The following EBF1 variants were observed in gnomAD, a reference collection of about 807,000 sequenced individuals.
The protein encoded by EBF1 is EBF transcription factor 1, also known as transcription factor COE1.
In EBF1, 10 loss-of-function variants were observed where a neutral mutation model predicts 68.4. That is an observed-to-expected ratio of 0.15 (90% CI 0.09 to 0.25). The LOEUF is 0.25. Among genes scored for constraint, EBF1 ranks in the 10% least tolerant of loss-of-function variants. The pLI is 1.00. For missense variants in EBF1, 509 were observed against 794.4 expected (o/e 0.64, Z 4.32); for synonymous variants, 298 against 299.8 (o/e 0.99, Z 0.06).
chr5:159,065,043 C>T (rs1258745786), intron 6 of EBF1, among the ~76,000 whole-genome samples: 1 of 151,162 alleles, frequency 6.6e-6, no homozygotes. Context: ...GGGCTTCAGC[C>T]AATAGTGCAC....
At chr5:158,874,939 G>A (rs759193036) in intron 6 of EBF1, among the ~76,000 whole-genome samples, 5 of 151,832 alleles carry the variant, frequency 3.3e-5, no homozygotes, top group Admixed American at 2.0e-4. Context: ...AATAATTCAA[G>A]GCCTGAGATG....
chr5:158,827,093 T>C (rs755738140), intron 7 of EBF1, among the ~76,000 whole-genome samples: 4 of 152,160 alleles, frequency 2.6e-5, no homozygotes, highest in African/African-American at 4.8e-5. Context: ...GTGGCCAGCA[T>C]GGTTCCTGGT....
At chr5:158,913,342 G>A (rs895273609) in intron 6 of EBF1, among the ~76,000 whole-genome samples, 1 of 152,174 alleles carries the variant, frequency 6.6e-6, no homozygotes, top group Non-Finnish European at 1.5e-5. Flanking sequence ...AGGGCTTCAT[G>A]GTTCTAAAGC....
intron 6 of EBF1, among the ~76,000 whole-genome samples, chr5:158,871,262 T>C (rs1418772477): frequency 6.6e-6 from 1 of 152,116 alleles, no homozygotes; most frequent in East Asian, 1.9e-4. Context: ...AGAAGACAAA[T>C]TAAGACATTA....
At chr5:159,044,138 G>A (rs1771832268) in intron 6 of EBF1, among the ~76,000 whole-genome samples, 1 of 152,140 alleles carries the variant, frequency 6.6e-6, no homozygotes, top group Non-Finnish European at 1.5e-5. Flanking sequence ...GATGTTCTGT[G>A]TATATCATAT....
chr5:158,999,339 G>C (rs934341432), intron 6 of EBF1, among the ~76,000 whole-genome samples: 1 of 152,146 alleles, frequency 6.6e-6, no homozygotes, highest in Non-Finnish European at 1.5e-5. Flanking sequence ...ACCAAGACAG[G>C]TTTCTTCTTT....
chr5:158,712,202 C>T lies in EBF1; in HGVS notation c.1501G>A (p.Gly501Ser), dbSNP rs181351521. 1.4e-5 allele frequency: 23 copies of T among 1,613,694 alleles called. No homozygotes were observed. The African/African-American group carries it at 2.1e-4, about 15-fold the overall frequency. The change falls in exon 14 of 16, where the codon GGC becomes AGC. Residue 501 changes from glycine to serine, a missense_variant. Gly to Ser is a moderately conservative substitution (Grantham distance 56, BLOSUM62 0). This residue lies in a region of EBF1 where 205 missense variants were observed against 247.4 expected (regional missense o/e 0.83). Coordinates refer to ENST00000313708, the MANE Select transcript of EBF1 (RefSeq NM_024007.5). Reference sequence around the variant, plus strand: ...GAGCCGTTGAGGAAGGTGGGGGAGCCGCCCAAATTGGACATTGCGGCAGAG... The same window carrying T: ...GAGCCGTTGAGGAAGGTGGGGGAGCTGCCCAAATTGGACATTGCGGCAGAG... The part of the protein sequence containing the change: ...YGSAAMSNLG[G>S]SPTFLNGSAA...
intron 6 of EBF1, among the ~76,000 whole-genome samples, chr5:158,960,023 C>T (rs1439683057): frequency 6.6e-6 from 1 of 152,114 alleles, no homozygotes; most frequent in African/African-American, 2.4e-5. Context: ...GTCTGGAAGA[C>T]ATAATACCAC....
At chr5:158,964,781 C>T (rs1321166179) in intron 6 of EBF1, among the ~76,000 whole-genome samples, 1 of 152,170 alleles carries the variant, frequency 6.6e-6, no homozygotes, top group East Asian at 1.9e-4. Context: ...TTTCATTTCT[C>T]TTGGTACAGT....
intron 8 of EBF1, among the ~76,000 whole-genome samples, chr5:158,815,348 A>C (rs1273684521): frequency 1.3e-5 from 2 of 152,194 alleles, no homozygotes; most frequent in African/African-American, 4.8e-5. Context: ...TTAGTTCTGC[A>C]GCTTTGAGTA....
intron 6 of EBF1, among the ~76,000 whole-genome samples, chr5:158,877,393 A>G (rs1422224483): frequency 6.6e-6 from 1 of 152,098 alleles, no homozygotes; most frequent in African/African-American, 2.4e-5. Context: ...CTGCTAACAC[A>G]TGGGCTATGC....
intron 6 of EBF1, among the ~76,000 whole-genome samples, chr5:158,923,352 A>G (rs1808864902): frequency 6.6e-6 from 1 of 152,224 alleles, no homozygotes; most frequent in Non-Finnish European, 1.5e-5. Context: ...ATTACAGATT[A>G]AAACTTATCT....
intron 6 of EBF1, among the ~76,000 whole-genome samples, chr5:158,975,353 C>T (rs1756521630): frequency 6.6e-6 from 1 of 152,094 alleles, no homozygotes; most frequent in Non-Finnish European, 1.5e-5. Flanking sequence ...GACAAGAAAA[C>T]AAAAGACTTT....
intron 6 of EBF1, among the ~76,000 whole-genome samples, chr5:158,887,603 A>G (rs1029650398): frequency 7.2e-5 from 11 of 152,196 alleles, no homozygotes; most frequent in African/African-American, 2.4e-4. Flanking sequence ...TTTGCCAGAC[A>G]ATTCTTAAGA....
At position 158,787,772 on chromosome 5, in the gene EBF1, A is replaced by G. The variant is rs374903533; in HGVS notation, c.909+8573T>C. The stretch of plus-strand genomic sequence containing the variant: ...GATTAATTGACACAATTCCTGTAAC[A>G]AGTGTAGGAAAAGGCATCACTTGTA... On this transcript the variant is annotated intron_variant, in intron 9 of 15. Coordinates refer to ENST00000313708, the MANE Select transcript of EBF1 (RefSeq NM_024007.5). 5.3e-5 allele frequency among the ~76,000 whole-genome samples: 8 copies of G among 152,312 alleles called. No homozygotes were observed. In the South Asian group the frequency reaches 1.7e-3, roughly 32 times the overall value.
chr5:158,801,392 G>A (rs1780548417), intron 8 of EBF1, among the ~76,000 whole-genome samples: 1 of 152,046 alleles, frequency 6.6e-6, no homozygotes, highest in African/African-American at 2.4e-5. Context: ...TGTTTTATGA[G>A]TACCATGTTA....
chr5:158,822,267 CGGATGGATGGATGGAT>C (rs958054113), intron 8 of EBF1, among the ~76,000 whole-genome samples: 3,623 of 57,068 alleles, frequency 0.063, 64 homozygotes, highest in Non-Finnish European at 0.11. Flanking sequence ...GACGGATGGA[CGGATGGATGGATGGAT>C]GGATGGATGG....
chr5:158,749,078 T>C (rs971340263), intron 10 of EBF1, among the ~76,000 whole-genome samples: 2 of 152,142 alleles, frequency 1.3e-5, no homozygotes, highest in African/African-American at 2.4e-5. Context: ...AGGGCCTAGA[T>C]TGACTGCCCT....
chr5:158,716,387 C>T (rs1320183991), intron 11 of EBF1, among the ~76,000 whole-genome samples: 1 of 152,118 alleles, frequency 6.6e-6, no homozygotes, highest in Non-Finnish European at 1.5e-5. Context: ...TTTGATCCAC[C>T]ATGCTGGGGC....
Sources: allele counts gnomAD v4.1 joint callset (sites outside exome capture counted in the v4.1 genomes callset), GRCh38; gene constraint gnomAD v4.1.1; regional missense constraint gnomAD v4.1.1; transcripts MANE v1.5; gene names NCBI Gene and HGNC (gene_info 2026-07-23, HGNC 2026-07-21).